The following NSMCE1 variants were observed in gnomAD, a reference collection of about 807,000 sequenced individuals.
NSMCE1 encodes the protein NSE1 component of SMC5/6 complex, also known as non-structural maintenance of chromosomes element 1 homolog.
A neutral mutation model predicts 29.6 loss-of-function variants in NSMCE1; 18 were observed. The ratio of observed to expected loss-of-function variants is 0.61; its 90% CI spans 0.42 to 0.90. NSMCE1 has a LOEUF of 0.90. Ranked by LOEUF, NSMCE1 falls within the 40% of genes least tolerant of loss-of-function variation. The probability of loss-of-function intolerance (pLI) is 0.00; values close to 1 mark genes in which losing one functional copy is unlikely to be tolerated. For missense variants in NSMCE1, 314 were observed against 343.6 expected, an observed-to-expected ratio of 0.91 and a Z score of 0.68; for synonymous variants, 124 against 133.4, an observed-to-expected ratio of 0.93 and a Z score of 0.49.
intron 2 of NSMCE1, among the ~76,000 whole-genome samples, chr16:27,249,730 G>A (rs967429028): frequency 6.6e-6 from 1 of 152,180 alleles, no homozygotes; most frequent in African/African-American, 2.4e-5. Flanking sequence ...TTTCAAAATA[G>A]TTTTGGCTCT....
intron 4 of NSMCE1, among the ~76,000 whole-genome samples, chr16:27,233,652 T>C (rs537503791): frequency 2.0e-5 from 3 of 152,384 alleles, no homozygotes; most frequent in African/African-American, 7.2e-5. Context: ...TCTGCAGTTA[T>C]TATCATTGCA....
intron 1 of NSMCE1, chr16:27,266,288 G>C (rs2084223998): frequency 6.6e-6 from 1 of 152,196 alleles, no homozygotes; most frequent in African/African-American, 2.4e-5. Flanking sequence ...GAACAGGATA[G>C]GATTGAATGC....
At chr16:27,246,200 C>A (rs373142283) in intron 2 of NSMCE1, among the ~76,000 whole-genome samples, 17 of 152,250 alleles carry the variant, frequency 1.1e-4, no homozygotes, top group African/African-American at 4.1e-4. Context: ...ACATGTATTT[C>A]AGCGACCTGG....
At position 27,234,208 on chromosome 16, in the gene NSMCE1, G is replaced by C. The variant is rs967591005; in HGVS notation, c.316C>G (p.Leu106Val). ...KMATDFAENE[L>V]DLFRKALELI... ...CTTACAGCCTTTCTAAACAAATCCA[G>C]TTCATTCTCTGCAAAATCCGTAGCC... The change falls in exon 4 of 8, where the codon CTG becomes GTG. Residue 106 changes from leucine (L) to valine (V), a missense_variant. Coordinates refer to ENST00000361439, the MANE Select transcript of NSMCE1 (RefSeq NM_145080.4). The C allele has an allele frequency of 5.2e-5, 84 of 1,612,588 alleles. No individual in the cohort carries two copies. The highest frequency in any genetic ancestry group is 7.1e-5 in the Non-Finnish European group (84 of 1,178,638).
Position 27,226,557 on chromosome 16 carries a change from G to A in NSMCE1, c.600+163C>T, listed in dbSNP as rs190613658. On this transcript the variant is annotated intron_variant, in intron 6 of 7. Coordinates refer to ENST00000361439, the MANE Select transcript of NSMCE1 (RefSeq NM_145080.4). ...TCCCTGCGGGGCACAGCAGGGAGGCGTCCTGACACGTCCTGGGAGATGGCC... is the reference window on the plus strand; with the variant it reads ...TCCCTGCGGGGCACAGCAGGGAGGCATCCTGACACGTCCTGGGAGATGGCC... 6.5e-4 allele frequency: 377 copies of A among 582,920 alleles called. 1 individual carries two copies. The highest frequency in any genetic ancestry group is 8.6e-4 in the Non-Finnish European group (283 of 327,196). 36.1% of individuals were successfully genotyped at this position (582,920 alleles called of 1,614,324 possible).
At chr16:27,251,025 G>C (rs2084022048) in intron 2 of NSMCE1, among the ~76,000 whole-genome samples, 2 of 148,194 alleles carry the variant, frequency 1.3e-5, no homozygotes, top group Non-Finnish European at 3.0e-5. Flanking sequence ...ATTTTTAGTA[G>C]AGACGGGGTT....
At chr16:27,266,657 A>G (rs569647818) in intron 1 of NSMCE1, 18 of 152,258 alleles carry the variant, frequency 1.2e-4, no homozygotes, top group Admixed American at 9.8e-4. Flanking sequence ...AAAATTAATT[A>G]AAACAGTTTA....
intron 2 of NSMCE1, among the ~76,000 whole-genome samples, chr16:27,250,809 T>C (rs1167957563): frequency 1.3e-5 from 2 of 150,094 alleles, no homozygotes; most frequent in East Asian, 3.9e-4. Flanking sequence ...TAAAATAAAA[T>C]AATAAAATAA....
At chr16:27,247,339 T>C (rs193273931) in intron 2 of NSMCE1, among the ~76,000 whole-genome samples, 3 of 152,340 alleles carry the variant, frequency 2.0e-5, no homozygotes, top group Admixed American at 6.5e-5. Flanking sequence ...CCTGCCACCA[T>C]GTGAAGAAGG....
rs115508528 is a variant in NSMCE1 at position 27,235,980 on chromosome 16, C to G, written c.137-681G>C. Reference sequence around the variant, plus strand: ...GGGCACAGGGGAAGAGGCTGAGACGCAGAGAGGTGAACTGACTCGCCCAGA... The same window carrying G: ...GGGCACAGGGGAAGAGGCTGAGACGGAGAGAGGTGAACTGACTCGCCCAGA... On this transcript the variant is annotated intron_variant, in intron 2 of 7. Transcript: ENST00000361439. 9.9e-3 allele frequency among the ~76,000 whole-genome samples: 1,513 copies of G among 152,312 alleles called. 29 individuals carry two copies. Among genetic ancestry groups the G allele is most frequent in the African/African-American group, 0.034 (1,420 of 41,546 alleles).
At chr16:27,240,898 G>A (rs1199965460) in intron 2 of NSMCE1, among the ~76,000 whole-genome samples, 1 of 152,118 alleles carries the variant, frequency 6.6e-6, no homozygotes, top group African/African-American at 2.4e-5. Context: ...TGGATCAAGA[G>A]CTCATCTCTA....
intron 2 of NSMCE1, among the ~76,000 whole-genome samples, chr16:27,251,179 T>TAAAA (rs2084027316): frequency 1.9e-5 from 1 of 53,530 alleles, no homozygotes. Flanking sequence ...TATATATATA[T>TAAAA]ATATATATAT....
At position 27,232,619 on chromosome 16, in the gene NSMCE1, AAGGAACATG is replaced by A. The variant is rs1297673218; in HGVS notation, c.483+373_483+381del. Among the ~76,000 whole-genome samples, 2 of 152,234 alleles carry A rather than the reference AAGGAACATG, an allele frequency of 1.3e-5. No individual in the cohort carries two copies. The highest frequency in any genetic ancestry group is 6.5e-5 in the Admixed American group (1 of 15,288). On this transcript the variant is annotated intron_variant, in intron 5 of 7. Coordinates refer to ENST00000361439, the MANE Select transcript of NSMCE1 (RefSeq NM_145080.4). The surrounding 1 kb of genome is among the most constrained non-coding windows in gnomAD (Gnocchi z 4.5). ...GGGGAAACAACGACTCCCCTCTTAC[AAGGAACATG>A]AGGTCACCTGGCTCAGGGTTCAGAC...
chr16:27,233,855 C>T (rs1425438705), intron 4 of NSMCE1: 2 of 302,994 alleles, frequency 6.6e-6, no homozygotes, highest in Admixed American at 5.0e-5. Flanking sequence ...AGCTCCCAGG[C>T]GATGCTGCTG....
intron 2 of NSMCE1, among the ~76,000 whole-genome samples, chr16:27,251,542 G>A (rs768580931): frequency 1.9e-4 from 29 of 152,102 alleles, no homozygotes; most frequent in African/African-American, 5.8e-4. Context: ...GCACGTTAAC[G>A]TCTACGCTCA....
At chr16:27,227,783 C>CTTTTTTTTTT (rs1239133211) in intron 5 of NSMCE1, among the ~76,000 whole-genome samples, 42 of 65,944 alleles carry the variant, frequency 6.4e-4, no homozygotes, top group Non-Finnish European at 1.0e-3. Flanking sequence ...CTTTTCTTTT[C>CTTTTTTTTTT]TTTTTTTTTT....
intron 2 of NSMCE1, among the ~76,000 whole-genome samples, chr16:27,249,270 T>C (rs1038720515): frequency 1.3e-5 from 2 of 152,278 alleles, no homozygotes; most frequent in Admixed American, 6.5e-5. Context: ...TATTTTTTAA[T>C]GTAAATTTTT....
intron 1 of NSMCE1, among the ~76,000 whole-genome samples, chr16:27,258,905 C>A (rs565720540): frequency 6.6e-6 from 1 of 152,014 alleles, no homozygotes; most frequent in Non-Finnish European, 1.5e-5. Flanking sequence ...CGCCCACCAC[C>A]GTGCCTGACT....
Position 27,234,205 on chromosome 16 carries a change from C to A in NSMCE1, c.319G>T (p.Asp107Tyr). 1 of 1,612,338 alleles carries A rather than the reference C, an allele frequency of 6.2e-7. No homozygotes were observed. The highest frequency in any genetic ancestry group is 8.5e-7 in the Non-Finnish European group (1 of 1,178,304). ...MATDFAENELDLFRKALELII... is the reference protein window; with the variant it reads ...MATDFAENELYLFRKALELII... ...CTACTTACAGCCTTTCTAAACAAAT[C>A]CAGTTCATTCTCTGCAAAATCCGTA... Residue 107 changes from aspartate to tyrosine, a missense_variant, in exon 4 of 8, where the codon GAT (aspartate) becomes TAT (tyrosine). By Grantham distance (160) the Asp-to-Tyr change is radical (BLOSUM62 -3). Coordinates refer to ENST00000361439, the MANE Select transcript of NSMCE1 (RefSeq NM_145080.4).
Sources: allele counts gnomAD v4.1 joint callset (sites outside exome capture counted in the v4.1 genomes callset), GRCh38; gene constraint gnomAD v4.1.1; non-coding constraint Gnocchi (gnomAD v3.1); transcripts MANE v1.5; gene names NCBI Gene and HGNC (gene_info 2026-07-23, HGNC 2026-07-21).